Variants in INTS2 observed in about 807,000 individuals in gnomAD.
INTS2 encodes KIAA1287.
INTS2 carries 57 observed loss-of-function variants against 139.6 expected under a neutral mutation model. The observed-to-expected ratio is 0.41, with a 90% confidence interval of 0.33 to 0.51. The LOEUF is 0.51. Among genes scored for constraint, INTS2 ranks in the 20% least tolerant of loss-of-function variants. The probability of loss-of-function intolerance (pLI) is 0.28; values close to 1 mark genes in which losing one functional copy is unlikely to be tolerated. For missense variants in INTS2, 1,196 were observed against 1,436.7 expected (o/e 0.83, Z 2.71); for synonymous variants, 473 against 493.4 (o/e 0.96, Z 0.55).
Position 61,909,814 on chromosome 17 carries a change from CATGTGTGTATGT to C in INTS2, c.954+1694_954+1705del, listed in dbSNP as rs796407807. Among the ~76,000 whole-genome samples the C allele has an allele frequency of 2.3e-5, 2 of 85,160 alleles. No homozygotes were observed. The highest frequency in any genetic ancestry group is 1.3e-4 in the Admixed American group (1 of 7,408). The allele number at this position is 85,160 out of a possible 152,430, so 55.9% of individuals were successfully genotyped here. ...GTATACATATATACGTGTGTGTGTA[CATGTGTGTATGT>C]GTGTGTGTGTGTGTGTGTGTGTGTG... On this transcript the variant is annotated intron_variant, in intron 7 of 24. Transcript: ENST00000251334. The surrounding 1 kb of genome is among the most constrained non-coding windows in gnomAD (Gnocchi z 4.9).
intron 18 of INTS2, 79 bp downstream of exon 18, chr17:61,877,808 T>C: frequency 1.1e-5 from 13 of 1,214,268 alleles, no homozygotes; most frequent in Non-Finnish European, 1.5e-5. Flanking sequence ...AAAAATTTTT[T>C]AAACAATTAA....
Position 61,869,157 on chromosome 17 carries a change from G to A in INTS2, c.3139-18C>T, listed in dbSNP as rs1389973160. On this transcript the variant is annotated intron_variant, in intron 22 of 24. Coordinates refer to ENST00000251334, the MANE Select transcript of INTS2 (RefSeq NM_001351695.2). The surrounding 1 kb of genome is among the most constrained non-coding windows in gnomAD (Gnocchi z 5.4). ...GCAAATATCTGCAATACAAAATCCA[G>A]TTATTACATGTTTCTCAAGAATATC... 1 of 1,531,552 alleles carries A rather than the reference G, an allele frequency of 6.5e-7. No individual in the cohort carries two copies. Among genetic ancestry groups the A allele is most frequent in the African/African-American group, 1.4e-5 (1 of 73,000 alleles). 94.9% of individuals were successfully genotyped at this position (1,531,552 alleles called of 1,614,324 possible).
intron 16 of INTS2, 61 bp from the exon 17 acceptor site, chr17:61,881,232 C>A: frequency 7.7e-7 from 1 of 1,294,288 alleles, no homozygotes; most frequent in Admixed American, 2.1e-5. Context: ...AGCTTCCCCA[C>A]CCCTCTCATT....
At chr17:61,914,381 C>T (rs1407615388) in intron 5 of INTS2, among the ~76,000 whole-genome samples, 1 of 152,188 alleles carries the variant, frequency 6.6e-6, no homozygotes, top group East Asian at 1.9e-4. Flanking sequence ...CATGGTGAAA[C>T]CCCATATCCA....
At chr17:61,888,359 C>A (rs1010463204) in intron 15 of INTS2, among the ~76,000 whole-genome samples, 1 of 152,046 alleles carries the variant, frequency 6.6e-6, no homozygotes, top group Non-Finnish European at 1.5e-5. Context: ...CAGAGTGAGA[C>A]CCTGTCTCAA....
At chr17:61,879,549 A>C (rs1031898540) in intron 17 of INTS2, among the ~76,000 whole-genome samples, 2 of 152,166 alleles carry the variant, frequency 1.3e-5, no homozygotes, top group African/African-American at 2.4e-5. Context: ...TATTGATTAC[A>C]TGGTGAAATA....
rs772834971 is a variant in INTS2 at position 61,889,835 on chromosome 17, G to A, written c.1935C>T (p.Tyr645=). Residue 645 remains tyrosine (Y), a synonymous_variant, in exon 15 of 25, where the codon TAC becomes TAT. Coordinates refer to ENST00000251334, the MANE Select transcript of INTS2 (RefSeq NM_001351695.2). ...GAGCCTCTTCATAAGACAGTATATAGTAGAGCACCAAAAGCTGTGCTGTGA... is the reference window on the plus strand; with the variant it reads ...GAGCCTCTTCATAAGACAGTATATAATAGAGCACCAAAAGCTGTGCTGTGA... ...FSITAQLLVL[Y]YILSYEEALL... 4 of 1,611,926 alleles carry A rather than the reference G, an allele frequency of 2.5e-6. No homozygotes were observed. The highest frequency in any genetic ancestry group is 2.7e-5 in the African/African-American group (2 of 74,916).
chr17:61,891,788 G>T, intron 13 of INTS2, 99 bp from the exon 14 acceptor site: 1 of 834,408 alleles, frequency 1.2e-6, no homozygotes, highest in South Asian at 2.1e-5. Context: ...TTATGAATCA[G>T]TAAAACTCAC....
rs34299496 is a variant in INTS2, at chr17:61,907,551, T to C, written c.1038A>G (p.Val346=). ...LLELMGILPT[V]RSTRIVEEAD... Reference sequence around the variant, plus strand: ...CTTCTTCCACAATTCGGGTGCTTCTTACTGTGGGAAGAATGCCCATCAACT... The same window carrying C: ...CTTCTTCCACAATTCGGGTGCTTCTCACTGTGGGAAGAATGCCCATCAACT... The change falls in exon 8 of 25, where the codon GTA becomes GTG. Residue 346 remains valine (V), a synonymous_variant. Transcript: ENST00000251334. 1 of 1,594,380 alleles carries C rather than the reference T, an allele frequency of 6.3e-7. No homozygotes were observed. Among genetic ancestry groups the C allele is most frequent in the Non-Finnish European group, 8.5e-7 (1 of 1,170,010 alleles).
At chr17:61,923,488 A>AAC (rs1293354836) in intron 3 of INTS2, among the ~76,000 whole-genome samples, 4 of 151,078 alleles carry the variant, frequency 2.6e-5, no homozygotes, top group African/African-American at 7.3e-5. Flanking sequence ...AAAAAAAAAA[A>AAC]AAAAAAAAAA....
intron 4 of INTS2, among the ~76,000 whole-genome samples, chr17:61,920,782 G>T (rs2079633081): frequency 6.6e-6 from 1 of 151,754 alleles, no homozygotes; most frequent in South Asian, 2.1e-4. Context: ...CAGCCTGGGT[G>T]ACAGAGTGAG....
In INTS2 at chr17:61,871,421, C is replaced by G. The variant is rs2079087796; in HGVS notation, c.2778+844G>C. On this transcript the variant is annotated intron_variant, in intron 20 of 24. Coordinates refer to ENST00000251334, the MANE Select transcript of INTS2 (RefSeq NM_001351695.2). The surrounding 1 kb of genome is among the most constrained non-coding windows in gnomAD (Gnocchi z 4.9). Reference sequence around the variant, plus strand: ...ATAGGCATGAGCAACCATGCCTGGCCAAAAAACTTTTCTAAATATAAAGTT... The same window carrying G: ...ATAGGCATGAGCAACCATGCCTGGCGAAAAAACTTTTCTAAATATAAAGTT... Among the ~76,000 whole-genome samples the G allele has an allele frequency of 6.6e-6, 1 of 152,012 alleles. No homozygotes were observed.
chr17:61,909,772 T>A lies in INTS2; in HGVS notation c.954+1748A>T, dbSNP rs2143095951. ...TATGGTTGAGTTGTATTCCATGGTG[T>A]GTGTGTTTGTGTGTGTGTATACATA... On this transcript the variant is annotated intron_variant, in intron 7 of 24. Coordinates refer to ENST00000251334, the MANE Select transcript of INTS2 (RefSeq NM_001351695.2). The surrounding 1 kb of genome is among the most constrained non-coding windows in gnomAD (Gnocchi z 4.9). Among the ~76,000 whole-genome samples the A allele has an allele frequency of 6.6e-6, 1 of 152,088 alleles. No homozygotes were observed. The highest frequency in any genetic ancestry group is 1.9e-4 in the East Asian group (1 of 5,180).
At chr17:61,916,063 G>A (rs1471051321) in intron 5 of INTS2, among the ~76,000 whole-genome samples, 4 of 151,968 alleles carry the variant, frequency 2.6e-5, no homozygotes, top group Non-Finnish European at 5.9e-5. Flanking sequence ...AAAGAACAAA[G>A]CCAGAAGCAT....
intron 16 of INTS2, among the ~76,000 whole-genome samples, chr17:61,881,618 GAGCACCACC>G (rs2145913713): frequency 1.3e-5 from 2 of 152,206 alleles, no homozygotes; most frequent in Non-Finnish European, 2.9e-5. Context: ...AGAATGATTA[GAGCACCACC>G]AGCACCATAA....
chr17:61,872,168 T>C lies in INTS2; in HGVS notation c.2778+97A>G, dbSNP rs146829055. ...AAAGAAATGCACAATATGTCACCAA[T>C]GTACATGGAGCGCACAATGTGCCAT... On this transcript the variant is annotated intron_variant, in intron 20 of 24. Coordinates refer to ENST00000251334, the MANE Select transcript of INTS2 (RefSeq NM_001351695.2). This position sits in a 1 kb window ranked among gnomAD's most constrained non-coding sequence, Gnocchi z 4.8. 88 of 631,194 alleles carry C rather than the reference T, an allele frequency of 1.4e-4. No homozygotes were observed. The East Asian group carries it at 2.3e-3, about 16-fold the overall frequency. The allele number at this position is 631,194 out of a possible 1,614,324, so 39.1% of individuals were successfully genotyped here.
At chr17:61,927,568 T>A (rs2079730389) in intron 1 of INTS2, 86 bp downstream of exon 1, 1 of 1,016,880 alleles carries the variant, frequency 9.8e-7, no homozygotes, top group Non-Finnish European at 1.2e-6. Flanking sequence ...CTAGAACCAA[T>A]AAGTCCCTCA....
At position 61,865,792 on chromosome 17, in the gene INTS2, TA is replaced by T. The variant is rs2079040213; in HGVS notation, c.*1764del. On this transcript the variant is annotated 3_prime_UTR_variant, in exon 25 of 25. Transcript: ENST00000251334. This position sits in a 1 kb window ranked among gnomAD's most constrained non-coding sequence, Gnocchi z 4.8. The stretch of plus-strand genomic sequence containing the variant: ...AATATGAAAATTCTTATGCTATTTT[TA>T]AGATACTTTTATTACTTTTATTTTT... 5 of 152,394 alleles carry T rather than the reference TA, an allele frequency of 3.3e-5. No individual in the cohort carries two copies. The South Asian group carries it at 1.0e-3, about 32-fold the overall frequency. 9.4% of individuals were successfully genotyped at this position (152,394 alleles called of 1,614,324 possible).
chr17:61,895,124 T>C (rs531084059), intron 12 of INTS2, among the ~76,000 whole-genome samples, 191 bp downstream of exon 12: 1 of 152,336 alleles, frequency 6.6e-6, no homozygotes, highest in Non-Finnish European at 1.5e-5. Context: ...TGCCTTGGTA[T>C]GTTATGACTA....
Sources: gnomAD v4.1 joint callset for allele counts (sites outside exome capture counted in the v4.1 genomes callset) on GRCh38, gnomAD v4.1.1 for gene constraint, Gnocchi (gnomAD v3.1) non-coding constraint, MANE v1.5 for transcripts, NCBI Gene and HGNC (gene_info 2026-07-23, HGNC 2026-07-21) for gene names.